Variants in GPR180 observed in about 807,000 individuals in gnomAD.
GPR180 encodes the protein G protein-coupled receptor 180.
In GPR180, 53 loss-of-function variants were observed where a neutral mutation model predicts 52.6. The ratio of observed to expected loss-of-function variants is 1.01; its 90% CI spans 0.81 to 1.27. The LOEUF (loss-of-function observed/expected upper bound fraction) is 1.27, where lower values mean the gene tolerates loss of function less well. Ranked by LOEUF, GPR180 falls within the 50% of genes most tolerant of loss-of-function variation. GPR180 has a pLI of 0.00. For missense variants in GPR180, 533 were observed against 527.0 expected (o/e 1.01, Z -0.11); for synonymous variants, 200 against 193.1 (o/e 1.04, Z -0.30).
Position 94,623,169 on chromosome 13 carries a change from C to G in GPR180, c.955C>G (p.His319Asp). Residue 319 changes from histidine (H) to aspartate (D), a missense_variant, in exon 7 of 9, where the codon CAC becomes GAC. Physicochemically the swap from His to Asp is moderately conservative, Grantham distance 81. Transcript: ENST00000376958. ...CAGTCATCATAGCTACCATTCACAC[C>G]ACAACTTAGCAGGGATCCTCCTAAT... ...DISHHSYHSH[H>D]NLAGILLIVL... 1.2e-6 allele frequency: 2 copies of G among 1,613,718 alleles called. No individual in the cohort carries two copies.
intron 7 of GPR180, among the ~76,000 whole-genome samples, chr13:94,624,941 C>T (rs1286266673): frequency 1.3e-5 from 2 of 151,988 alleles, no homozygotes; most frequent in Non-Finnish European, 2.9e-5. Context: ...AAGCGATTCT[C>T]CTGTTTCAGT....
rs745449237 is a variant in GPR180 at position 94,605,393 on chromosome 13, G to C, written c.148G>C (p.Asp50His). The change falls in exon 2 of 9, where the codon GAC becomes CAC. Residue 50 changes from aspartate to histidine, a missense_variant and splice_region_variant. Physicochemically the swap from Asp to His is moderately conservative, Grantham distance 81. Coordinates refer to ENST00000376958, the MANE Select transcript of GPR180 (RefSeq NM_180989.6). ...ATGATTTTTGTTTTAATGTCAAGGTGACCATGCTCTTCTGTGTGTCAGAAT... is the reference window on the plus strand; with the variant it reads ...ATGATTTTTGTTTTAATGTCAAGGTCACCATGCTCTTCTGTGTGTCAGAAT... ...QRIGHFEFHG[D>H]HALLCVRINN... 5 of 1,613,712 alleles carry C rather than the reference G, an allele frequency of 3.1e-6. No individual in the cohort carries two copies. Among genetic ancestry groups the C allele is most frequent in the Non-Finnish European group, 4.2e-6 (5 of 1,179,928 alleles).
chr13:94,609,165 A>G (rs1230204816), intron 2 of GPR180, among the ~76,000 whole-genome samples: 1 of 152,166 alleles, frequency 6.6e-6, no homozygotes, highest in East Asian at 1.9e-4. Context: ...AGTTTGGTAT[A>G]TTTTATAAAT....
Position 94,601,956 on chromosome 13 carries a change from C to T in GPR180, c.29C>T (p.Ala10Val). MGGLRLLAV[A>V]LTCCWWPQGS... Reference sequence around the variant, plus strand: ...GGGGGGCTGCGGCTGCTGGCTGTGGCCCTCACGTGCTGCTGGTGGCCGCAG... The same window carrying T: ...GGGGGGCTGCGGCTGCTGGCTGTGGTCCTCACGTGCTGCTGGTGGCCGCAG... Residue 10 changes from alanine to valine, a missense_variant, in exon 1 of 9, where the codon GCC becomes GTC. Coordinates refer to ENST00000376958, the MANE Select transcript of GPR180 (RefSeq NM_180989.6). 1.3e-6 allele frequency: 2 copies of T among 1,497,896 alleles called. No homozygotes were observed. The highest frequency in any genetic ancestry group is 1.8e-6 in the Non-Finnish European group (2 of 1,129,236). The allele number at this position is 1,497,896 out of a possible 1,614,324, so 92.8% of individuals were successfully genotyped here. A position where few individuals can be genotyped will look rare whatever the true frequency, so the allele number is the denominator to read the frequency against.
chr13:94,619,014 C>T, intron 3 of GPR180, 136 bp from the exon 4 acceptor site: 5 of 689,644 alleles, frequency 7.3e-6, no homozygotes, highest in South Asian at 6.0e-5. Flanking sequence ...AATTTTTTTT[C>T]TCTTACAAAG....
rs1032334259 is a variant in GPR180 at position 94,631,013 on chromosome 13, A to G, written c.*3842A>G. The stretch of plus-strand genomic sequence containing the variant: ...AAGGCACAAGGCACTGTTGCAGCTT[A>G]TCCACATTATTGCTTATCTGTTGGC... On this transcript the variant is annotated 3_prime_UTR_variant, in exon 9 of 9. Transcript: ENST00000376958. 6.6e-6 allele frequency: 1 copy of G among 152,274 alleles called. No homozygotes were observed. The highest frequency in any genetic ancestry group is 2.4e-5 in the African/African-American group (1 of 41,466). The allele number at this position is 152,274 out of a possible 1,614,324, so 9.4% of individuals were successfully genotyped here.
rs1429281087 is a variant in GPR180, at chr13:94,623,207, T to C, written c.993T>C (p.Ile331=). The C allele has an allele frequency of 6.2e-7, 1 of 1,613,870 alleles. No homozygotes were observed. The highest frequency in any genetic ancestry group is 1.3e-5 in the African/African-American group (1 of 74,922). The change falls in exon 7 of 9, where the codon ATT becomes ATC. Residue 331 remains isoleucine (I), a synonymous_variant. Transcript: ENST00000376958. Reference sequence around the variant, plus strand: ...GGATCCTCCTAATTGTTCTAAGAATTTGCCTAGCATTGTCATTAGGCTGTG... The same window carrying C: ...GGATCCTCCTAATTGTTCTAAGAATCTGCCTAGCATTGTCATTAGGCTGTG... ...LAGILLIVLR[I]CLALSLGCGL...
intron 8 of GPR180, 110 bp downstream of exon 8, chr13:94,626,153 A>T: frequency 3.0e-6 from 2 of 658,660 alleles, no homozygotes; most frequent in Non-Finnish European, 4.9e-6. Flanking sequence ...TTTCTGGGTT[A>T]TTTAAAACTT....
chr13:94,601,860 T>G lies in GPR180; in HGVS notation c.-68T>G. ...CGGCGCCCACCCCGCCTCCCCCAGC[T>G]GCCGACGTGGGGCGGGCAGCCGCCG... On this transcript the variant is annotated 5_prime_UTR_variant, in exon 1 of 9. Coordinates refer to ENST00000376958, the MANE Select transcript of GPR180 (RefSeq NM_180989.6). 1 of 1,318,012 alleles carries G rather than the reference T, an allele frequency of 7.6e-7. No homozygotes were observed. The highest frequency in any genetic ancestry group is 9.7e-7 in the Non-Finnish European group (1 of 1,030,166). The allele number at this position is 1,318,012 out of a possible 1,614,324, so 81.6% of individuals were successfully genotyped here.
At chr13:94,615,782 T>C (rs1889770258) in intron 3 of GPR180, among the ~76,000 whole-genome samples, 1 of 152,182 alleles carries the variant, frequency 6.6e-6, no homozygotes, top group African/African-American at 2.4e-5. Context: ...CATCTCACTG[T>C]TTTTAAAATT....
At chr13:94,608,044 G>C (rs1889656934) in intron 2 of GPR180, among the ~76,000 whole-genome samples, 1 of 152,128 alleles carries the variant, frequency 6.6e-6, no homozygotes, top group Non-Finnish European at 1.5e-5. Flanking sequence ...TTGTTCTCTT[G>C]TATCACATAG....
At chr13:94,606,225 G>T (rs904850961) in intron 2 of GPR180, among the ~76,000 whole-genome samples, 4 of 152,198 alleles carry the variant, frequency 2.6e-5, no homozygotes, top group Non-Finnish European at 5.9e-5. Flanking sequence ...GAACCTGGGA[G>T]GCAGAGGTTG....
intron 3 of GPR180, among the ~76,000 whole-genome samples, chr13:94,618,931 A>G (rs1889815613): frequency 6.6e-6 from 1 of 152,282 alleles, no homozygotes; most frequent in African/African-American, 2.4e-5. Flanking sequence ...GATTGACCTT[A>G]ACTAGTTTGG....
chr13:94,609,130 A>G (rs1036723634), intron 2 of GPR180, among the ~76,000 whole-genome samples: 2 of 152,194 alleles, frequency 1.3e-5, no homozygotes, highest in African/African-American at 4.8e-5. Context: ...GTCTTTTTAC[A>G]TATTATGCAT....
chr13:94,610,657 TAGGTC>T (rs1244230760), intron 2 of GPR180, among the ~76,000 whole-genome samples: 3 of 152,212 alleles, frequency 2.0e-5, no homozygotes, highest in Non-Finnish European at 4.4e-5. Flanking sequence ...CAGTGCCTCT[TAGGTC>T]AGGTCAGATT....
At chr13:94,604,930 GT>G (rs1889610168) in intron 1 of GPR180, among the ~76,000 whole-genome samples, 1 of 152,090 alleles carries the variant, frequency 6.6e-6, no homozygotes, top group Non-Finnish European at 1.5e-5. Context: ...GGTATAATAT[GT>G]CTACCCCAGA....
chr13:94,607,978 A>G (rs114588225), intron 2 of GPR180, among the ~76,000 whole-genome samples: 9 of 152,252 alleles, frequency 5.9e-5, no homozygotes, highest in East Asian at 3.9e-4. Context: ...GACTTTTTCT[A>G]TCTCCAACAA....
chr13:94,623,061 T>C (rs1226896638), intron 6 of GPR180, 48 bp from the exon 7 acceptor site: 1 of 1,343,744 alleles, frequency 7.4e-7, no homozygotes, highest in African/African-American at 1.5e-5. Flanking sequence ...AATATTGTAA[T>C]GAGGTATATT....
Position 94,629,336 on chromosome 13 carries a change from A to G in GPR180, c.*2165A>G, listed in dbSNP as rs1190516113. ...ATGTGTTTTTACATTTTTTGAAAGA[A>G]GATAAATGGTTCATCCAGAGCTTTA... On this transcript the variant is annotated 3_prime_UTR_variant, in exon 9 of 9. Transcript: ENST00000376958. 1.3e-5 allele frequency: 2 copies of G among 152,178 alleles called. No homozygotes were observed. The highest frequency in any genetic ancestry group is 2.9e-5 in the Non-Finnish European group (2 of 67,996). The allele number at this position is 152,178 out of a possible 1,614,324, so 9.4% of individuals were successfully genotyped here. A position where few individuals can be genotyped will look rare whatever the true frequency, so the allele number is the denominator to read the frequency against.
Sources: allele counts gnomAD v4.1 joint callset (sites outside exome capture counted in the v4.1 genomes callset), GRCh38; gene constraint gnomAD v4.1.1; transcripts MANE v1.5; gene names NCBI Gene and HGNC (gene_info 2026-07-23, HGNC 2026-07-21).